The following PCNX1 variants were observed in gnomAD, a reference collection of about 807,000 sequenced individuals.
The protein encoded by PCNX1 is pecanex-like protein 1.
In PCNX1, 78 loss-of-function variants were observed where a neutral mutation model predicts 242.2. The ratio of observed to expected loss-of-function variants is 0.32; its 90% CI spans 0.27 to 0.39. PCNX1 has a LOEUF of 0.39. PCNX1 is among the 10% of genes least tolerant of loss of function. The pLI is 1.00. For missense variants in PCNX1, 2,581 were observed against 2,856.5 expected (o/e 0.90, Z 2.20); for synonymous variants, 1,024 against 1,032.9 (o/e 0.99, Z 0.17).
In PCNX1 at chr14:71,103,745, G is replaced by T. The variant is rs949857133; in HGVS notation, c.6095+76G>T. 7 of 1,397,416 alleles carry T rather than the reference G, an allele frequency of 5.0e-6. No homozygotes were observed. The African/African-American group carries it at 1.0e-4, about 20-fold the overall frequency. 86.6% of individuals were successfully genotyped at this position (1,397,416 alleles called of 1,614,324 possible). A position where few individuals can be genotyped will look rare whatever the true frequency, so the allele number is the denominator to read the frequency against. On this transcript the variant is annotated intron_variant, in intron 32 of 35. Transcript: ENST00000304743. ...AATCTAGGCAGTGTGCATCACCTGG[G>T]AAGCTTGTAGAAAAAATTACAGGTG... is the stretch of plus-strand genomic sequence containing the variant.
At chr14:70,910,017 AGAC>A (rs2055753931) in intron 1 of PCNX1, among the ~76,000 whole-genome samples, 1 of 17,266 alleles carries the variant, frequency 5.8e-5, no homozygotes, top group African/African-American at 3.2e-4. Context: ...AAACCTAACT[AGAC>A]GACGACTCCT....
At chr14:71,099,057 T>G (rs1414919785) in intron 30 of PCNX1, among the ~76,000 whole-genome samples, 1 of 152,210 alleles carries the variant, frequency 6.6e-6, no homozygotes, top group Non-Finnish European at 1.5e-5. Context: ...CACAAGAAAG[T>G]TGTTTAATTC....
intron 2 of PCNX1, among the ~76,000 whole-genome samples, chr14:70,958,494 G>A (rs1422364518): frequency 1.3e-5 from 2 of 152,204 alleles, no homozygotes; most frequent in Admixed American, 6.5e-5. Context: ...CATGAGGGAT[G>A]TCTTCAGATG....
chr14:70,972,004 T>C (rs375628521), intron 5 of PCNX1, among the ~76,000 whole-genome samples: 130 of 152,278 alleles, frequency 8.5e-4, no homozygotes, highest in African/African-American at 3.0e-3. Context: ...TTGAGGAATA[T>C]ATTAAAAGGG....
intron 19 of PCNX1, among the ~76,000 whole-genome samples, chr14:71,036,879 A>T (rs539143104): frequency 6.6e-6 from 1 of 152,210 alleles, no homozygotes; most frequent in African/African-American, 2.4e-5. Context: ...TACCTTGGGC[A>T]GTATGGCCAT....
chr14:70,983,798 A>C lies in PCNX1; in HGVS notation c.2312-4769A>C, dbSNP rs78681356. On this transcript the variant is annotated intron_variant, in intron 6 of 35. Coordinates refer to ENST00000304743, the MANE Select transcript of PCNX1 (RefSeq NM_014982.3). ...TACTTATTTTTTGTTATTTCCAACAAGAATGAGCTTGAAAAGCATTTGTTT... is the reference window on the plus strand; with the variant it reads ...TACTTATTTTTTGTTATTTCCAACACGAATGAGCTTGAAAAGCATTTGTTT... Among the ~76,000 whole-genome samples the C allele has an allele frequency of 9.3e-3, 1,408 of 151,740 alleles. 60 individuals carry two copies. The highest frequency in any genetic ancestry group is 0.013 in the Non-Finnish European group (882 of 67,670).
chr14:70,929,107 A>T (rs1594921158), intron 1 of PCNX1, among the ~76,000 whole-genome samples: 1 of 152,154 alleles, frequency 6.6e-6, no homozygotes, highest in Non-Finnish European at 1.5e-5. Flanking sequence ...GCTATCTTTA[A>T]CAAATGCTTC....
chr14:70,910,927 G>T (rs575894470), intron 1 of PCNX1, among the ~76,000 whole-genome samples: 1 of 152,326 alleles, frequency 6.6e-6, no homozygotes, highest in Admixed American at 6.5e-5. Context: ...GGTAAGTAAA[G>T]AGGGACCCTG....
chr14:71,000,589 C>CAA (rs1008778629), intron 8 of PCNX1, among the ~76,000 whole-genome samples: 3 of 144,450 alleles, frequency 2.1e-5, no homozygotes, highest in African/African-American at 7.8e-5. Flanking sequence ...TGCAGTGGTG[C>CAA]AATCTTGGCT....
chr14:71,031,098 G>T (rs1356982442), intron 16 of PCNX1, among the ~76,000 whole-genome samples: 1 of 152,136 alleles, frequency 6.6e-6, no homozygotes, highest in East Asian at 1.9e-4. Context: ...AAAACTCTAA[G>T]CACACCCAAA....
intron 6 of PCNX1, among the ~76,000 whole-genome samples, chr14:70,984,611 C>T (rs1312276037): frequency 6.6e-6 from 1 of 151,824 alleles, no homozygotes; most frequent in Non-Finnish European, 1.5e-5. Context: ...TGGTCTCAGT[C>T]TCCTGACCTT....
At chr14:71,087,976 G>C (rs2062035664) in intron 28 of PCNX1, among the ~76,000 whole-genome samples, 1 of 150,862 alleles carries the variant, frequency 6.6e-6, no homozygotes, top group East Asian at 1.9e-4. Flanking sequence ...AAAAAAAAAA[G>C]AAAGAAGTAG....
At position 71,011,473 on chromosome 14, in the gene PCNX1, A is replaced by AT. The variant is rs764524111; in HGVS notation, c.2721-13dup. ...CTTTCTGCTTGACAAACTGTTCCCT[A>AT]TTTTTTATTTTATTTTAGTGACACA... is the stretch of plus-strand genomic sequence containing the variant. On this transcript the variant is annotated intron_variant, in intron 9 of 35. Transcript: ENST00000304743. 7.7e-6 allele frequency: 11 copies of AT among 1,426,072 alleles called. No individual in the cohort carries two copies. The highest frequency in any genetic ancestry group is 6.9e-5 in the Admixed American group (4 of 57,794). The allele number at this position is 1,426,072 out of a possible 1,614,324, so 88.3% of individuals were successfully genotyped here.
At chr14:71,095,944 GGCAGGAGGATC>G (rs2062265171) in intron 30 of PCNX1, among the ~76,000 whole-genome samples, 1 of 152,216 alleles carries the variant, frequency 6.6e-6, no homozygotes, top group South Asian at 2.1e-4. Flanking sequence ...GGGAGGCCGA[GGCAGGAGGATC>G]GCTTGAGCTC....
intron 2 of PCNX1, among the ~76,000 whole-genome samples, chr14:70,959,536 G>C (rs1357735196): frequency 6.6e-6 from 1 of 151,534 alleles, no homozygotes; most frequent in African/African-American, 2.4e-5. Context: ...AATTTCATTC[G>C]TGTCCCTACA....
At chr14:70,990,735 C>G (rs895172424) in intron 7 of PCNX1, among the ~76,000 whole-genome samples, 4 of 152,116 alleles carry the variant, frequency 2.6e-5, no homozygotes, top group Admixed American at 1.3e-4. Flanking sequence ...TTTCTGAGCC[C>G]TTTGTTTTTG....
intron 29 of PCNX1, 33 bp downstream of exon 29, chr14:71,088,463 G>T: frequency 2.4e-6 from 3 of 1,264,228 alleles, no homozygotes; most frequent in South Asian, 1.2e-5. Flanking sequence ...GAGGAAGAGA[G>T]CATGGGAAGC....
At chr14:71,076,162 C>CTTTTTTTTTT in intron 27 of PCNX1, 27 bp from the exon 28 acceptor site, 1 of 1,167,478 alleles carries the variant, frequency 8.6e-7, no homozygotes, top group South Asian at 1.4e-5. Context: ...AATCTGAATT[C>CTTTTTTTTTT]TTTTTTTTTT....
chr14:70,988,592 G>A lies in PCNX1; in HGVS notation c.2337G>A (p.Val779=), dbSNP rs1161131100. 3 of 1,614,120 alleles carry A rather than the reference G, an allele frequency of 1.9e-6. No individual in the cohort carries two copies. In the South Asian group the frequency reaches 3.3e-5, roughly 18 times the overall value. ...SGAAQASEEA[V]SFRRERSTFR... ...CAGCACAAGCCAGCGAGGAGGCAGT[G>A]TCATTTCGCCGTGAACGCAGCACAT... The change falls in exon 7 of 36, where the codon GTG becomes GTA. Residue 779 remains valine (V), a synonymous_variant. Coordinates refer to ENST00000304743, the MANE Select transcript of PCNX1 (RefSeq NM_014982.3).
Sources: allele counts gnomAD v4.1 joint callset (sites outside exome capture counted in the v4.1 genomes callset), GRCh38; gene constraint gnomAD v4.1.1; transcripts MANE v1.5; gene names NCBI Gene and HGNC (gene_info 2026-07-23, HGNC 2026-07-21).